Variants in TRMT61B observed in about 807,000 individuals in gnomAD.
The protein encoded by TRMT61B is tRNA methyltransferase 61B.
In TRMT61B, 56 loss-of-function variants were observed where a neutral mutation model predicts 52.0. The observed-to-expected ratio is 1.08, with a 90% CI of 0.87 to 1.35. The LOEUF (loss-of-function observed/expected upper bound fraction) is 1.35, where lower values mean the gene tolerates loss of function less well. TRMT61B is among the 40% of genes most tolerant of loss of function. TRMT61B has a pLI of 0.00. For missense variants in TRMT61B, 650 were observed against 577.9 expected, an observed-to-expected ratio of 1.12 and a Z score of -1.28; for synonymous variants, 206 against 220.0, an observed-to-expected ratio of 0.94 and a Z score of 0.56.
intron 5 of TRMT61B, among the ~76,000 whole-genome samples, chr2:28,850,801 T>C (rs1669060141): frequency 6.6e-6 from 1 of 152,132 alleles, no homozygotes. Context: ...ATATAAAACA[T>C]CCTTAATACA....
At chr2:28,868,493 G>A (rs1395104140) in intron 1 of TRMT61B, among the ~76,000 whole-genome samples, 1 of 152,076 alleles carries the variant, frequency 6.6e-6, no homozygotes, top group Non-Finnish European at 1.5e-5. Flanking sequence ...TTTGTTCTTT[G>A]TCACCCCTTC....
At position 28,852,487 on chromosome 2, in the gene TRMT61B, T is replaced by C. The variant is rs376462257; in HGVS notation, c.1006A>G (p.Met336Val). 3.7e-6 allele frequency: 6 copies of C among 1,606,990 alleles called. No homozygotes were observed. The highest frequency in any genetic ancestry group is 4.3e-6 in the Non-Finnish European group (5 of 1,175,864). ...GGCAAAGTAACATGAGGATTTAACA[T>C]ATCCAAAGCTACCTGTGTGGGGGAA... ...SLTFDAVALD[M>V]LNPHVTLPVF... is the part of the protein sequence containing the mutation. Residue 336 changes from methionine to valine, a missense_variant, in exon 4 of 7, where the codon ATG (methionine) becomes GTG (valine). Met to Val is a conservative substitution (Grantham distance 21). Coordinates refer to ENST00000306108, the MANE Select transcript of TRMT61B (RefSeq NM_017910.4).
intron 4 of TRMT61B, 24 bp downstream of exon 4, chr2:28,852,384 A>G (rs199987689): frequency 7.1e-7 from 1 of 1,414,960 alleles, no homozygotes; most frequent in Admixed American, 2.2e-5. Context: ...TTACATTACA[A>G]AGAAAAACAG....
intron 2 of TRMT61B, among the ~76,000 whole-genome samples, chr2:28,862,949 G>C (rs545968871): frequency 6.6e-6 from 1 of 151,782 alleles, no homozygotes; most frequent in Non-Finnish European, 1.5e-5. Flanking sequence ...CAATTCCAGA[G>C]AGGAGTACTA....
At chr2:28,860,501 C>T (rs1313982062) in intron 3 of TRMT61B, among the ~76,000 whole-genome samples, 1 of 152,018 alleles carries the variant, frequency 6.6e-6, no homozygotes, top group Non-Finnish European at 1.5e-5. Flanking sequence ...CCCAGATCTC[C>T]ACCATGTTTG....
At chr2:28,864,924 G>C in intron 2 of TRMT61B, 93 bp downstream of exon 2, 1 of 714,458 alleles carries the variant, frequency 1.4e-6, no homozygotes, top group Non-Finnish European at 2.4e-6. Flanking sequence ...TCAATGTTAG[G>C]TATTTTCCCA....
intron 3 of TRMT61B, among the ~76,000 whole-genome samples, chr2:28,856,946 A>T (rs2148129305): frequency 6.7e-6 from 1 of 149,738 alleles, no homozygotes; most frequent in East Asian, 2.0e-4. Flanking sequence ...ATTTAATTTA[A>T]TTTTTGAGAC....
intron 3 of TRMT61B, among the ~76,000 whole-genome samples, chr2:28,858,479 C>T (rs1302899255): frequency 6.6e-6 from 1 of 151,904 alleles, no homozygotes; most frequent in African/African-American, 2.4e-5. Context: ...CAGATCAGAT[C>T]TGGCCACCAG....
intron 3 of TRMT61B, among the ~76,000 whole-genome samples, chr2:28,860,259 G>A (rs1364691716): frequency 1.2e-5 from 1 of 81,644 alleles, no homozygotes; most frequent in Non-Finnish European, 2.2e-5. Flanking sequence ...GCAACAGAAT[G>A]AGACTCTGTT....
At chr2:28,850,606 C>A in intron 5 of TRMT61B, 1 of 508,044 alleles carries the variant, frequency 2.0e-6, no homozygotes. Context: ...GATTTTATAA[C>A]CAAATGGATA....
Position 28,869,997 on chromosome 2 carries a change from C to T in TRMT61B, c.281G>A (p.Arg94Gln). The T allele has an allele frequency of 6.2e-7, 1 of 1,613,606 alleles. No homozygotes were observed. Among genetic ancestry groups the T allele is most frequent in the South Asian group, 1.1e-5 (1 of 91,046 alleles). ...SLENLRLPTLREESSPRELED... is the reference protein window; with the variant it reads ...SLENLRLPTLQEESSPRELED... Reference sequence around the variant, plus strand: ...GAGCTCTCGAGGGGATGACTCTTCCCGCAGCGTCGGCAGTCTGAGGTTTTC... The same window carrying T: ...GAGCTCTCGAGGGGATGACTCTTCCTGCAGCGTCGGCAGTCTGAGGTTTTC... Residue 94 changes from arginine (R) to glutamine (Q), a missense_variant, in exon 1 of 7, where the codon CGG becomes CAG. Transcript: ENST00000306108.
Position 28,870,034 on chromosome 2 carries a change from G to A in TRMT61B, c.244C>T (p.Leu82Phe). Reference sequence around the variant, plus strand: ...AGTCTGAGGTTTTCCAGTGACGAAAGACATCCAGTCCCAATGTCCGAGATG... The same window carrying A: ...AGTCTGAGGTTTTCCAGTGACGAAAAACATCCAGTCCCAATGTCCGAGATG... Reference protein sequence around the residue: ...LSISDIGTGCLSSLENLRLPT... With the variant: ...LSISDIGTGCFSSLENLRLPT... Residue 82 changes from leucine to phenylalanine, a missense_variant, in exon 1 of 7, where the codon CTT becomes TTT. Leu to Phe is a conservative substitution (Grantham distance 22). Coordinates refer to ENST00000306108, the MANE Select transcript of TRMT61B (RefSeq NM_017910.4). 1 of 1,613,806 alleles carries A rather than the reference G, an allele frequency of 6.2e-7. No homozygotes were observed. The highest frequency in any genetic ancestry group is 8.5e-7 in the Non-Finnish European group (1 of 1,180,010).
At chr2:28,865,240 C>A in intron 1 of TRMT61B, 121 bp from the exon 2 acceptor site, 2 of 580,838 alleles carry the variant, frequency 3.4e-6, no homozygotes, top group Non-Finnish European at 6.2e-6. Context: ...AGACTCTGGA[C>A]CTGCCTTCAG....
rs973265846 is a variant in TRMT61B at position 28,852,277 on chromosome 2, C to T, written c.1085+131G>A. 1.2e-5 allele frequency: 6 copies of T among 505,630 alleles called. No individual in the cohort carries two copies. The African/African-American group carries it at 1.5e-4, about 13-fold the overall frequency. 31.3% of individuals were successfully genotyped at this position (505,630 alleles called of 1,614,324 possible). A position where few individuals can be genotyped will look rare whatever the true frequency, so the allele number is the denominator to read the frequency against. ...GCAGTGAGCTGAGATCATACCACTA[C>T]ACTCCAACCTGGGTGACAGAGTTTT... On this transcript the variant is annotated intron_variant, in intron 4 of 6. Coordinates refer to ENST00000306108, the MANE Select transcript of TRMT61B (RefSeq NM_017910.4).
chr2:28,860,354 C>A (rs1181361561), intron 3 of TRMT61B, among the ~76,000 whole-genome samples: 2 of 141,492 alleles, frequency 1.4e-5, no homozygotes, highest in Non-Finnish European at 3.0e-5. Flanking sequence ...CCAAAACAGT[C>A]CATCCTTCCA....
chr2:28,861,057 C>A, intron 3 of TRMT61B, 61 bp downstream of exon 3: 3 of 1,397,076 alleles, frequency 2.1e-6, no homozygotes, highest in African/African-American at 1.5e-5. Flanking sequence ...ACAAAAGAAG[C>A]CTGACCCCTA....
intron 3 of TRMT61B, among the ~76,000 whole-genome samples, chr2:28,853,606 C>T (rs564599725): frequency 2.7e-5 from 4 of 150,234 alleles, no homozygotes; most frequent in Non-Finnish European, 4.4e-5. Context: ...GGAGCCCAGG[C>T]GGGTGGATCA....
chr2:28,864,486 G>C (rs1184677826), intron 2 of TRMT61B, among the ~76,000 whole-genome samples: 5 of 152,194 alleles, frequency 3.3e-5, no homozygotes, highest in Admixed American at 3.3e-4. Context: ...AATGAGAGTA[G>C]CCAGATACAA....
At position 28,861,128 on chromosome 2, in the gene TRMT61B, G is replaced by A; in HGVS notation, c.983C>T (p.Thr328Ile). ...SGATEDIKSL[T>I]FDAVALDMLN... ...CGTTAGAAAACTTACTGCGTCAAAT[G>A]TTAAAGATTTTATGTCTTCGGTTGC... Residue 328 changes from threonine to isoleucine, a missense_variant, in exon 3 of 7, where the codon ACA becomes ATA. Thr to Ile is a moderately conservative substitution (Grantham distance 89). Transcript: ENST00000306108. 1.2e-6 allele frequency: 2 copies of A among 1,600,536 alleles called. No individual in the cohort carries two copies. The highest frequency in any genetic ancestry group is 1.7e-6 in the Non-Finnish European group (2 of 1,175,320).
Sources: gnomAD v4.1 joint callset for allele counts (sites outside exome capture counted in the v4.1 genomes callset) on GRCh38, gnomAD v4.1.1 for gene constraint, MANE v1.5 for transcripts, NCBI Gene and HGNC (gene_info 2026-07-23, HGNC 2026-07-21) for gene names.